The following RAB11FIP4 variants were observed in gnomAD, a reference collection of about 807,000 sequenced individuals.
The protein encoded by RAB11FIP4 is RAB11 family interacting protein 4.
A neutral mutation model predicts 74.3 loss-of-function variants in RAB11FIP4; 23 were observed. The observed-to-expected ratio is 0.31, with a 90% CI of 0.22 to 0.44. The LOEUF (loss-of-function observed/expected upper bound fraction) is 0.44. Ranked by LOEUF, RAB11FIP4 falls within the 20% of genes least tolerant of loss-of-function variation. The pLI is 1.00. For missense variants in RAB11FIP4, 630 were observed against 863.9 expected, an observed-to-expected ratio of 0.73 and a Z score of 3.39; for synonymous variants, 360 against 359.9, an observed-to-expected ratio of 1.00 and a Z score of 0.00.
chr17:31,449,343 T>C (rs886635620), intron 3 of RAB11FIP4, among the ~76,000 whole-genome samples: 2 of 152,130 alleles, frequency 1.3e-5, no homozygotes, highest in African/African-American at 4.8e-5. Flanking sequence ...GTCCTTTCCA[T>C]TCGCTTCTGG....
intron 3 of RAB11FIP4, among the ~76,000 whole-genome samples, chr17:31,498,838 C>T (rs1178470279): frequency 6.6e-6 from 1 of 152,204 alleles, no homozygotes; most frequent in Non-Finnish European, 1.5e-5. Context: ...TGTTTTCCCT[C>T]CCAAACCTTC....
intron 1 of RAB11FIP4, among the ~76,000 whole-genome samples, chr17:31,414,498 G>C (rs763810282): frequency 7.9e-5 from 12 of 152,226 alleles, no homozygotes; most frequent in Non-Finnish European, 1.3e-4. Context: ...CCCAAACAAA[G>C]CCCTTGTGGG....
chr17:31,411,191 G>A (rs559946443), intron 1 of RAB11FIP4, among the ~76,000 whole-genome samples: 35 of 152,182 alleles, frequency 2.3e-4, no homozygotes, highest in Middle Eastern at 3.4e-3. Context: ...GTGAAACCCC[G>A]TCTCTACTAA....
At chr17:31,523,378 C>T (rs981655999) in intron 7 of RAB11FIP4, 134 bp from the exon 8 acceptor site, 1 of 731,206 alleles carries the variant, frequency 1.4e-6, no homozygotes, top group African/African-American at 1.7e-5. Flanking sequence ...TTCTTCCTCT[C>T]AGGCTGAGTG....
intron 1 of RAB11FIP4, among the ~76,000 whole-genome samples, chr17:31,420,151 G>A (rs538379213): frequency 6.6e-6 from 1 of 152,290 alleles, no homozygotes; most frequent in South Asian, 2.1e-4. Flanking sequence ...GCTCATCTAA[G>A]TTGTAGAAAT....
At chr17:31,406,833 AT>A (rs1479560774) in intron 1 of RAB11FIP4, among the ~76,000 whole-genome samples, 1 of 151,734 alleles carries the variant, frequency 6.6e-6, no homozygotes, top group Non-Finnish European at 1.5e-5. Context: ...ATCATATCTT[AT>A]TGCTCAAAAG....
chr17:31,522,673 GAGCACCCCAC>G (rs1222381093), intron 7 of RAB11FIP4: 2 of 526,238 alleles, frequency 3.8e-6, no homozygotes, highest in African/African-American at 3.8e-5. Context: ...GAGAGAGACA[GAGCACCCCAC>G]AGCGTTCAGT....
intron 3 of RAB11FIP4, among the ~76,000 whole-genome samples, chr17:31,488,780 G>A (rs546160345): frequency 6.6e-6 from 1 of 150,830 alleles, no homozygotes; most frequent in South Asian, 2.1e-4. Flanking sequence ...CCTCTCCCCA[G>A]CCGAGAAGCT....
At position 31,495,214 on chromosome 17, in the gene RAB11FIP4, A is replaced by G. The variant is rs146614122; in HGVS notation, c.337-22437A>G. Reference sequence around the variant, plus strand: ...CAGACAAAAAGGTGCAGGCTGTGCCACCGCCCAGCCACACTGGGTGACTGC... The same window carrying G: ...CAGACAAAAAGGTGCAGGCTGTGCCGCCGCCCAGCCACACTGGGTGACTGC... On this transcript the variant is annotated intron_variant, in intron 3 of 14. Transcript: ENST00000621161. Among the ~76,000 whole-genome samples the G allele has an allele frequency of 5.3e-3, 804 of 152,222 alleles. 5 individuals are homozygous for G. The highest frequency in any genetic ancestry group is 0.018 in the African/African-American group (753 of 41,530).
At chr17:31,461,806 A>G (rs1345135224) in intron 3 of RAB11FIP4, among the ~76,000 whole-genome samples, 1 of 152,054 alleles carries the variant, frequency 6.6e-6, no homozygotes, top group Non-Finnish European at 1.5e-5. Context: ...GAGATACAGA[A>G]TCTCACTACA....
chr17:31,402,650 C>G lies in RAB11FIP4; in HGVS notation c.159+10639C>G, dbSNP rs190599114. ...TATTTATTTATTTTTGAGACAGAGT[C>G]TTGCTTTGTCGCCCAGGCTGGCGTG... On this transcript the variant is annotated intron_variant, in intron 1 of 14. Coordinates refer to ENST00000621161, the MANE Select transcript of RAB11FIP4 (RefSeq NM_032932.6). Among the ~76,000 whole-genome samples the G allele has an allele frequency of 9.7e-3, 1,319 of 136,228 alleles. 18 individuals are homozygous for G. Among genetic ancestry groups the G allele is most frequent in the African/African-American group, 0.037 (1,255 of 34,154 alleles). The allele number at this position is 136,228 out of a possible 152,430, so 89.4% of individuals were successfully genotyped here.
chr17:31,475,476 G>A (rs187517077), intron 3 of RAB11FIP4, among the ~76,000 whole-genome samples: 242 of 152,298 alleles, frequency 1.6e-3, no homozygotes, highest in Non-Finnish European at 2.6e-3. Flanking sequence ...TTAAGCATTC[G>A]TCGTGCATTC....
At position 31,536,338 on chromosome 17, in the gene RAB11FIP4, T is replaced by A. The variant is rs1457796463; in HGVS notation, c.*4606T>A. ...GGTGAAACTCTTGTCTTTATTTTTT[T>A]AAAAAAACAAAAAGTAACTTTCGAT... On this transcript the variant is annotated 3_prime_UTR_variant, in exon 15 of 15. Transcript: ENST00000621161. The A allele has an allele frequency of 4.6e-5, 7 of 152,196 alleles. No homozygotes were observed. The South Asian group carries it at 6.2e-4, about 14-fold the overall frequency. 9.4% of individuals were successfully genotyped at this position (152,196 alleles called of 1,614,324 possible).
intron 3 of RAB11FIP4, among the ~76,000 whole-genome samples, chr17:31,458,371 A>G (rs1352713368): frequency 6.6e-6 from 1 of 152,162 alleles, no homozygotes. Context: ...GGCATGAAGC[A>G]AAGTATCATG....
At chr17:31,510,545 G>A (rs1179978241) in intron 3 of RAB11FIP4, among the ~76,000 whole-genome samples, 1 of 152,246 alleles carries the variant, frequency 6.6e-6, no homozygotes, top group Non-Finnish European at 1.5e-5. Flanking sequence ...GGGTGGATGA[G>A]CTGGAACCTC....
chr17:31,462,883 G>C (rs1319428999), intron 3 of RAB11FIP4, among the ~76,000 whole-genome samples: 1 of 152,062 alleles, frequency 6.6e-6, no homozygotes, highest in African/African-American at 2.4e-5. Flanking sequence ...TGATCCGCCC[G>C]CCTCGGCCTC....
chr17:31,447,020 C>T (rs2071471582), intron 3 of RAB11FIP4, among the ~76,000 whole-genome samples: 1 of 152,152 alleles, frequency 6.6e-6, no homozygotes, highest in South Asian at 2.1e-4. Flanking sequence ...TGCCGTGGCT[C>T]TCGCCTGTAA....
intron 4 of RAB11FIP4, chr17:31,518,563 A>G (rs749213924): frequency 1.3e-5 from 2 of 152,166 alleles, no homozygotes; most frequent in African/African-American, 4.8e-5. Context: ...CAGCATCAGT[A>G]TGGTGACCTC....
chr17:31,404,517 G>A (rs929683185), intron 1 of RAB11FIP4, among the ~76,000 whole-genome samples: 3 of 152,222 alleles, frequency 2.0e-5, no homozygotes, highest in African/African-American at 7.2e-5. Flanking sequence ...TGTATAGTGG[G>A]GATAATATTA....
Sources: gnomAD v4.1 joint callset for allele counts (sites outside exome capture counted in the v4.1 genomes callset) on GRCh38, gnomAD v4.1.1 for gene constraint, MANE v1.5 for transcripts, NCBI Gene and HGNC (gene_info 2026-07-23, HGNC 2026-07-21) for gene names.